Variants in TOMM22 observed in about 807,000 individuals in gnomAD.
The protein encoded by TOMM22 is mitochondrial import receptor subunit TOM22 homolog.
A neutral mutation model predicts 17.1 loss-of-function variants in TOMM22; 3 were observed. That is an observed-to-expected ratio of 0.18 (90% CI 0.08 to 0.45). The LOEUF (loss-of-function observed/expected upper bound fraction) is 0.45, where lower values mean the gene tolerates loss of function less well. Among genes scored for constraint, TOMM22 ranks in the 20% least tolerant of loss-of-function variants. TOMM22 has a pLI of 0.99. For synonymous variants in TOMM22, 91 were observed against 74.0 expected, an observed-to-expected ratio of 1.23 and a Z score of -1.18; for missense variants, 159 against 179.5, an observed-to-expected ratio of 0.89 and a Z score of 0.65.
In TOMM22 at chr22:38,683,966, G is replaced by T. The variant is rs1485612403; in HGVS notation, c.*125G>T. On this transcript the variant is annotated 3_prime_UTR_variant, in exon 4 of 4. Transcript: ENST00000216034. Reference sequence around the variant, plus strand: ...CATTGATCTATCTAAACCTGGTGGGGAGAATTATCCCCACATTGTCTCATG... The same window carrying T: ...CATTGATCTATCTAAACCTGGTGGGTAGAATTATCCCCACATTGTCTCATG... 2.7e-5 allele frequency: 20 copies of T among 748,664 alleles called. No homozygotes were observed. The Admixed American group carries it at 5.1e-4, about 19-fold the overall frequency. The allele number at this position is 748,664 out of a possible 1,614,324, so 46.4% of individuals were successfully genotyped here.
chr22:38,683,905 G>T lies in TOMM22; in HGVS notation c.*64G>T, dbSNP rs2092487585. 7.1e-7 allele frequency: 1 copy of T among 1,401,374 alleles called. No homozygotes were observed. Among genetic ancestry groups the T allele is most frequent in the Non-Finnish European group, 9.9e-7 (1 of 1,005,864 alleles). 86.8% of individuals were successfully genotyped at this position (1,401,374 alleles called of 1,614,324 possible). A position where few individuals can be genotyped will look rare whatever the true frequency, so the allele number is the denominator to read the frequency against. ...TTGAAATTCAAGTGTTTGAACTGCTGATAATTTGGATTTTTTTTTTTTTTT... is the reference window on the plus strand; with the variant it reads ...TTGAAATTCAAGTGTTTGAACTGCTTATAATTTGGATTTTTTTTTTTTTTT... On this transcript the variant is annotated 3_prime_UTR_variant, in exon 4 of 4. Transcript: ENST00000216034.
Position 38,683,941 on chromosome 22 carries a change from C to A in TOMM22, c.*100C>A. ...TTTTTTTTTTTTTTTAACTTTGGCA[C>A]ATTGATCTATCTAAACCTGGTGGGG... On this transcript the variant is annotated 3_prime_UTR_variant, in exon 4 of 4. Transcript: ENST00000216034. The A allele has an allele frequency of 1.9e-6, 2 of 1,029,162 alleles. No individual in the cohort carries two copies. The highest frequency in any genetic ancestry group is 1.5e-6 in the Non-Finnish European group (1 of 683,640). 63.8% of individuals were successfully genotyped at this position (1,029,162 alleles called of 1,614,324 possible). A position where few individuals can be genotyped will look rare whatever the true frequency, so the allele number is the denominator to read the frequency against.
rs748006753 is a variant in TOMM22, at chr22:38,681,990, C to T, written c.12C>T (p.Ala4=). Residue 4 remains alanine (A), a synonymous_variant, in exon 1 of 4, where the codon GCC becomes GCT. Coordinates refer to ENST00000216034, the MANE Select transcript of TOMM22 (RefSeq NM_020243.5). The part of the protein sequence containing the change: MAA[A]VAAAGAGEPQ... ...TGTCCCCTACAGTCATGGCTGCCGC[C>T]GTCGCTGCTGCCGGTGCAGGGGAAC... 285 of 1,610,740 alleles carry T rather than the reference C, an allele frequency of 1.8e-4. 1 individual carries two copies. The highest frequency in any genetic ancestry group is 2.3e-4 in the Non-Finnish European group (271 of 1,179,062).
Position 38,683,778 on chromosome 22 carries a change from A to T in TOMM22, c.366A>T (p.Gly122=). ...CTTTTCTTTTCCAGATACTTCTAGG[A>T]CCTAACACAGGGCTCTCAGGAGGAA... ...QQLQQRQILL[G]PNTGLSGGMP... The change falls in exon 4 of 4, where the codon GGA becomes GGT. Residue 122 remains glycine (G), a synonymous_variant. Transcript: ENST00000216034. 6.2e-7 allele frequency: 1 copy of T among 1,613,914 alleles called. No individual in the cohort carries two copies. Among genetic ancestry groups the T allele is most frequent in the Non-Finnish European group, 8.5e-7 (1 of 1,179,908 alleles).
At chr22:38,682,201 TA>T in intron 1 of TOMM22, 106 bp downstream of exon 1, 1 of 1,482,254 alleles carries the variant, frequency 6.7e-7, no homozygotes. Flanking sequence ...GAGGCGGGGT[TA>T]GGGGCCCTGC....
rs2092493639 is a variant in TOMM22 at position 38,685,387 on chromosome 22, A to G, written c.*1546A>G. 1 of 152,220 alleles carries G rather than the reference A, an allele frequency of 6.6e-6. No individual in the cohort carries two copies. The highest frequency in any genetic ancestry group is 1.5e-5 in the Non-Finnish European group (1 of 68,042). The allele number at this position is 152,220 out of a possible 1,614,324, so 9.4% of individuals were successfully genotyped here. ...TAGGTGGATTCTTCAAATTGTCAAGATTAGTTTTTATAAATTAAAATAGAC... is the reference window on the plus strand; with the variant it reads ...TAGGTGGATTCTTCAAATTGTCAAGGTTAGTTTTTATAAATTAAAATAGAC... On this transcript the variant is annotated 3_prime_UTR_variant, in exon 4 of 4. Transcript: ENST00000216034.
chr22:38,683,913 G>C lies in TOMM22; in HGVS notation c.*72G>C, dbSNP rs1262629341. On this transcript the variant is annotated 3_prime_UTR_variant, in exon 4 of 4. Transcript: ENST00000216034. ...CAAGTGTTTGAACTGCTGATAATTT[G>C]GATTTTTTTTTTTTTTTAACTTTGG... 3.6e-6 allele frequency: 5 copies of C among 1,378,454 alleles called. No individual in the cohort carries two copies. The East Asian group carries it at 1.2e-4, about 32-fold the overall frequency. 85.4% of individuals were successfully genotyped at this position (1,378,454 alleles called of 1,614,324 possible).
At chr22:38,682,474 G>T in intron 2 of TOMM22, 33 bp downstream of exon 2, 2 of 1,579,080 alleles carry the variant, frequency 1.3e-6, no homozygotes, top group South Asian at 2.2e-5. Context: ...CTGGGTACGT[G>T]CATGGGATGG....
rs2092488346 is a variant in TOMM22, at chr22:38,684,104, T to C, written c.*263T>C. ...TTCCAGCTCTGGTCACCCGACTCCTTTCACCAAATTGCTCCTAACTGGAAG... is the reference window on the plus strand; with the variant it reads ...TTCCAGCTCTGGTCACCCGACTCCTCTCACCAAATTGCTCCTAACTGGAAG... On this transcript the variant is annotated 3_prime_UTR_variant, in exon 4 of 4. Coordinates refer to ENST00000216034, the MANE Select transcript of TOMM22 (RefSeq NM_020243.5). 2 of 423,192 alleles carry C rather than the reference T, an allele frequency of 4.7e-6. No individual in the cohort carries two copies. Among genetic ancestry groups the C allele is most frequent in the Admixed American group, 3.6e-5 (1 of 27,980 alleles). 26.2% of individuals were successfully genotyped at this position (423,192 alleles called of 1,614,324 possible). A position where few individuals can be genotyped will look rare whatever the true frequency, so the allele number is the denominator to read the frequency against.
In TOMM22 at chr22:38,685,326, A is replaced by G. The variant is rs1290122123; in HGVS notation, c.*1485A>G. 6.6e-6 allele frequency: 1 copy of G among 152,256 alleles called. No individual in the cohort carries two copies. Among genetic ancestry groups the G allele is most frequent in the African/African-American group, 2.4e-5 (1 of 41,474 alleles). The allele number at this position is 152,256 out of a possible 1,614,324, so 9.4% of individuals were successfully genotyped here. On this transcript the variant is annotated 3_prime_UTR_variant, in exon 4 of 4. Coordinates refer to ENST00000216034, the MANE Select transcript of TOMM22 (RefSeq NM_020243.5). ...TGATCTTTCACTTGTTAACTAGGGA[A>G]AAACACTAGTCACCAGTGTGGTACA...
intron 3 of TOMM22, 118 bp downstream of exon 3, chr22:38,683,114 G>A: frequency 2.0e-6 from 1 of 505,746 alleles, no homozygotes. Context: ...GTTTTTACAT[G>A]GATGGTGGGT....
rs540165224 is a variant in TOMM22 at position 38,683,143 on chromosome 22, G to A, written c.354+147G>A. The A allele has an allele frequency of 1.9e-4, 62 of 334,162 alleles. 2 individuals carry two copies. In the South Asian group the frequency reaches 2.5e-3, roughly 14 times the overall value. The allele number at this position is 334,162 out of a possible 1,614,324, so 20.7% of individuals were successfully genotyped here. ...GGTGGGTTGGGGGTGGCCGGGGGTC[G>A]GGGGGGGGGTTCTGGATGATTCAAG... On this transcript the variant is annotated intron_variant, in intron 3 of 3. Transcript: ENST00000216034.
chr22:38,683,060 G>A, intron 3 of TOMM22, 64 bp downstream of exon 3: 1 of 1,209,962 alleles, frequency 8.3e-7, no homozygotes, highest in Non-Finnish European at 1.1e-6. Context: ...TAACACATTG[G>A]TCCCCAACCT....
chr22:38,683,150 G>GGGTGGGGGGGGGGGGGC (rs2092485100), intron 3 of TOMM22, among the ~76,000 whole-genome samples, 154 bp downstream of exon 3: 1 of 137,036 alleles, frequency 7.3e-6, no homozygotes. Context: ...GTCGGGGGGG[G>GGGTGGGGGGGGGGGGGC]GGTTCTGGAT....
In TOMM22 at chr22:38,682,175, G is replaced by A. The variant is rs550778519; in HGVS notation, c.117+80G>A. 3.2e-5 allele frequency: 49 copies of A among 1,511,774 alleles called. 3 individuals carry two copies. The South Asian group carries it at 5.8e-4, about 18-fold the overall frequency. 93.6% of individuals were successfully genotyped at this position (1,511,774 alleles called of 1,614,324 possible). ...GATCCGCGTGGTACGGGATCGGAGC[G>A]AAGCGGCTGCTTTGGGAGGCGGGGT... On this transcript the variant is annotated intron_variant, in intron 1 of 3. Transcript: ENST00000216034.
chr22:38,683,282 A>G (rs549387247), intron 3 of TOMM22, among the ~76,000 whole-genome samples: 1 of 152,296 alleles, frequency 6.6e-6, no homozygotes, highest in East Asian at 1.9e-4. Flanking sequence ...GCAACTAGAC[A>G]GTCCTGTCTG....
Position 38,684,097 on chromosome 22 carries a change from G to A in TOMM22, c.*256G>A, listed in dbSNP as rs1224876335. On this transcript the variant is annotated 3_prime_UTR_variant, in exon 4 of 4. Transcript: ENST00000216034. ...ATGGTTATTCCAGCTCTGGTCACCCGACTCCTTTCACCAAATTGCTCCTAA... is the reference window on the plus strand; with the variant it reads ...ATGGTTATTCCAGCTCTGGTCACCCAACTCCTTTCACCAAATTGCTCCTAA... 6 of 430,072 alleles carry A rather than the reference G, an allele frequency of 1.4e-5. No individual in the cohort carries two copies. The highest frequency in any genetic ancestry group is 1.0e-4 in the South Asian group (2 of 19,654). The allele number at this position is 430,072 out of a possible 1,614,324, so 26.6% of individuals were successfully genotyped here. A position where few individuals can be genotyped will look rare whatever the true frequency, so the allele number is the denominator to read the frequency against.
intron 2 of TOMM22, among the ~76,000 whole-genome samples, 191 bp from the exon 3 acceptor site, chr22:38,682,688 G>A (rs1386659198): frequency 1.3e-5 from 2 of 151,758 alleles, no homozygotes; most frequent in African/African-American, 2.4e-5. Flanking sequence ...ATGTTAAACC[G>A]CCATCACTAG....
In TOMM22 at chr22:38,682,905, G is replaced by T. The variant is rs1488635054; in HGVS notation, c.263G>T (p.Gly88Val). 6.2e-7 allele frequency: 1 copy of T among 1,613,314 alleles called. No homozygotes were observed. The highest frequency in any genetic ancestry group is 8.5e-7 in the Non-Finnish European group (1 of 1,179,918). The change falls in exon 3 of 4, where the codon GGG becomes GTG. Residue 88 changes from glycine to valine, a missense_variant. Transcript: ENST00000216034. ...YRFSRAALWI[G>V]TTSFMILVLP... is the part of the protein sequence containing the mutation. Reference sequence around the variant, plus strand: ...TTTTCCAGGGCAGCCTTGTGGATTGGGACCACTTCCTTTATGATCCTGGTT... The same window carrying T: ...TTTTCCAGGGCAGCCTTGTGGATTGTGACCACTTCCTTTATGATCCTGGTT...
Sources: allele counts gnomAD v4.1 joint callset (sites outside exome capture counted in the v4.1 genomes callset), GRCh38; gene constraint gnomAD v4.1.1; transcripts MANE v1.5; gene names NCBI Gene and HGNC (gene_info 2026-07-23, HGNC 2026-07-21).